The following QTGAL variants were observed in gnomAD, a reference collection of about 807,000 sequenced individuals.
The protein encoded by QTGAL is BGnT-like protein 1.
chr17:83,005,644 C>T, the QTGAL span: 1 of 703,362 alleles, frequency 1.4e-6, no homozygotes, highest in African/African-American at 1.7e-5. The surrounding 1 kb of genome is among the most constrained non-coding windows in gnomAD (Gnocchi z 5.6). Context: ...TCTGAACCTG[C>T]TCCATTCAGC....
the QTGAL span, among the ~76,000 whole-genome samples, chr17:83,014,893 G>A: frequency 1.3e-5 from 2 of 152,236 alleles, no homozygotes; most frequent in East Asian, 1.9e-4. Flanking sequence ...GTTATGCAGC[G>A]GAGAAGGAAA....
At chr17:82,986,085 A>T in the QTGAL span, among the ~76,000 whole-genome samples, 1 of 152,190 alleles carries the variant, frequency 6.6e-6, no homozygotes, top group Non-Finnish European at 1.5e-5. Flanking sequence ...GCTCAGGGCG[A>T]GGGACTCTGC....
the QTGAL span, among the ~76,000 whole-genome samples, chr17:83,027,363 C>T: frequency 6.7e-3 from 1,021 of 152,306 alleles, 10 homozygotes; most frequent in South Asian, 0.037. Context: ...ATGCCACATA[C>T]GGAAATTAAC....
chr17:82,957,535 A>G, the QTGAL span: 13 of 1,551,860 alleles, frequency 8.4e-6, no homozygotes, highest in Non-Finnish European at 1.0e-5. Context: ...CGGAGGCCCC[A>G]CAGATGCACA....
chr17:83,046,293 C>A, the QTGAL span, among the ~76,000 whole-genome samples: 1 of 146,454 alleles, frequency 6.8e-6, no homozygotes, highest in African/African-American at 2.6e-5. Flanking sequence ...CCACACCTGG[C>A]TAATTTTTTT....
chr17:83,038,258 G>C, the QTGAL span, among the ~76,000 whole-genome samples: 1 of 152,116 alleles, frequency 6.6e-6, no homozygotes, highest in Non-Finnish European at 1.5e-5. Flanking sequence ...TTAAAGTGTA[G>C]AATAGGGTCC....
chr17:83,014,112 G>C, the QTGAL span, among the ~76,000 whole-genome samples: 1 of 152,202 alleles, frequency 6.6e-6, no homozygotes, highest in Non-Finnish European at 1.5e-5. Flanking sequence ...CGTAATTTAA[G>C]ATCGTCTAAA....
At chr17:82,960,970 C>T in the QTGAL span, 11 of 1,485,712 alleles carry the variant, frequency 7.4e-6, no homozygotes, top group African/African-American at 4.2e-5. Context: ...CCTCTGGGGT[C>T]GGCCCCACCA....
At chr17:83,010,008 G>C in the QTGAL span, among the ~76,000 whole-genome samples, 1 of 137,694 alleles carries the variant, frequency 7.3e-6, no homozygotes, top group Non-Finnish European at 1.6e-5. Context: ...GTGTTGGGGG[G>C]CTGTGGGGGC....
chr17:82,948,925 A>G, the QTGAL span: 1 of 152,268 alleles, frequency 6.6e-6, no homozygotes, highest in African/African-American at 2.4e-5. Flanking sequence ...GACTCCATAA[A>G]TGAAAGTCAC....
the QTGAL span, chr17:82,948,868 TG>T: frequency 2.0e-5 from 3 of 152,240 alleles, no homozygotes; most frequent in East Asian, 5.8e-4. Flanking sequence ...GGGACAATGT[TG>T]TTTTTTAAAT....
chr17:83,040,425 T>C, the QTGAL span, among the ~76,000 whole-genome samples: 1 of 152,124 alleles, frequency 6.6e-6, no homozygotes, highest in Non-Finnish European at 1.5e-5. Flanking sequence ...AGGACCCTGA[T>C]CTATTACAAT....
At chr17:83,037,809 A>G in the QTGAL span, among the ~76,000 whole-genome samples, 1 of 152,346 alleles carries the variant, frequency 6.6e-6, no homozygotes, top group Non-Finnish European at 1.5e-5. This position sits in a 1 kb window ranked among gnomAD's most constrained non-coding sequence, Gnocchi z 5.2. Context: ...GGAAGCTGGA[A>G]GTTTCTCACA....
chr17:82,991,779 AG>A, the QTGAL span, among the ~76,000 whole-genome samples: 1 of 152,228 alleles, frequency 6.6e-6, no homozygotes, highest in African/African-American at 2.4e-5. Flanking sequence ...GAGAATTCAA[AG>A]TAGTTGTTCT....
At chr17:82,953,072 A>T in the QTGAL span, among the ~76,000 whole-genome samples, 1 of 152,222 alleles carries the variant, frequency 6.6e-6, no homozygotes, top group Non-Finnish European at 1.5e-5. Context: ...ATAGTGCTAA[A>T]TGCCCACATC....
chr17:83,005,979 A>C, the QTGAL span: 1 of 1,107,874 alleles, frequency 9.0e-7, no homozygotes, highest in Non-Finnish European at 1.1e-6. The surrounding 1 kb of genome is among the most constrained non-coding windows in gnomAD (Gnocchi z 5.6). Flanking sequence ...GCTCACACTC[A>C]CCTTGCAGTG....
chr17:82,944,550 C>G, the QTGAL span: 2 of 152,258 alleles, frequency 1.3e-5, no homozygotes, highest in African/African-American at 4.8e-5. Flanking sequence ...CAGAAAACCT[C>G]TCTGAAGGGG....
chr17:82,970,526 AGC>A, the QTGAL span, among the ~76,000 whole-genome samples: 6 of 122,248 alleles, frequency 4.9e-5, no homozygotes, highest in Admixed American at 1.6e-4. Context: ...CTCCCCACCC[AGC>A]GTGGCCGCGA....
At chr17:82,957,988 T>TC in the QTGAL span, among the ~76,000 whole-genome samples, 2 of 152,014 alleles carry the variant, frequency 1.3e-5, no homozygotes, top group African/African-American at 4.8e-5. Context: ...CAGGCTGCTG[T>TC]CCCGGGGGGA....
Sources: gnomAD v4.1 joint callset for allele counts (sites outside exome capture counted in the v4.1 genomes callset) on GRCh38, gnomAD v4.1.1 for gene constraint, Gnocchi (gnomAD v3.1) non-coding constraint, MANE v1.5 for transcripts, NCBI Gene and HGNC (gene_info 2026-07-23, HGNC 2026-07-21) for gene names.